DHODH: variants seen among roughly 807,000 people sequenced by gnomAD.
DHODH encodes dihydroorotate dehydrogenase (quinone).
A neutral mutation model predicts 39.7 loss-of-function variants in DHODH; 30 were observed. The ratio of observed to expected loss-of-function variants is 0.76; its 90% CI spans 0.57 to 1.02. DHODH has a LOEUF of 1.02. Ranked by LOEUF, DHODH falls within the 50% of genes least tolerant of loss-of-function variation. DHODH has a pLI of 0.00. For synonymous variants in DHODH, 222 were observed against 213.8 expected, an observed-to-expected ratio of 1.04 and a Z score of -0.34; for missense variants, 531 against 520.8, an observed-to-expected ratio of 1.02 and a Z score of -0.19.
chr16:72,022,387 G>T lies in DHODH; in HGVS notation c.731G>T (p.Arg244Leu). ...TKVLQERDGL[R>L]RVHRPAVLVK... Reference sequence around the variant, plus strand: ...GTGCTGCAGGAGAGGGATGGCTTGCGGAGAGTGCACAGGCCGGCAGTCCTG... The same window carrying T: ...GTGCTGCAGGAGAGGGATGGCTTGCTGAGAGTGCACAGGCCGGCAGTCCTG... The change falls in exon 6 of 9, where the codon CGG (arginine) becomes CTG (leucine). Residue 244 changes from arginine (R) to leucine (L), a missense_variant. Physicochemically the swap from Arg to Leu is moderately radical, Grantham distance 102. Transcript: ENST00000219240. 4 of 1,555,372 alleles carry T rather than the reference G, an allele frequency of 2.6e-6. No homozygotes were observed. In the South Asian group the frequency reaches 4.7e-5, roughly 18 times the overall value.
Position 72,012,036 on chromosome 16 carries a change from G to A in DHODH, c.22-14G>A. ...CTGGCCTGGGGGACCCCCCTAATAT[G>A]CTCTTTTTTGCAGAAGCGGGCCCAG... On this transcript the variant is annotated splice_polypyrimidine_tract_variant and intron_variant, in intron 1 of 8. Transcript: ENST00000219240. 2 of 1,613,498 alleles carry A rather than the reference G, an allele frequency of 1.2e-6. No homozygotes were observed. The highest frequency in any genetic ancestry group is 1.7e-6 in the Non-Finnish European group (2 of 1,179,642).
At chr16:72,010,181 C>G (rs142847621) in intron 1 of DHODH, among the ~76,000 whole-genome samples, 1 of 152,362 alleles carries the variant, frequency 6.6e-6, no homozygotes, top group African/African-American at 2.4e-5. Context: ...CTTTCTCCTG[C>G]CTCGTCTTAA....
intron 1 of DHODH, 70 bp from the exon 2 acceptor site, chr16:72,011,980 G>A: frequency 7.9e-7 from 1 of 1,273,106 alleles, no homozygotes; most frequent in Non-Finnish European, 1.1e-6. Flanking sequence ...TGTGTACCTG[G>A]GTGTGAAGGG....
At chr16:72,020,964 G>A (rs1412974561) in intron 4 of DHODH, among the ~76,000 whole-genome samples, 160 bp from the exon 5 acceptor site, 1 of 152,238 alleles carries the variant, frequency 6.6e-6, no homozygotes, top group Admixed American at 6.5e-5. Context: ...CAGCAGGCGG[G>A]CCCAGGCCGC....
chr16:72,021,016 G>A, intron 4 of DHODH, 108 bp from the exon 5 acceptor site: 2 of 1,195,844 alleles, frequency 1.7e-6, no homozygotes, highest in East Asian at 2.6e-5. Context: ...GTCAGGTTTG[G>A]AGGGAAGGCC....
chr16:72,011,490 G>A (rs986480568), intron 1 of DHODH, among the ~76,000 whole-genome samples: 15 of 152,214 alleles, frequency 9.9e-5, no homozygotes, highest in Non-Finnish European at 4.4e-5. Flanking sequence ...AATTGGCTGG[G>A]CTTGGTGGCA....
intron 4 of DHODH, among the ~76,000 whole-genome samples, chr16:72,018,505 T>C (rs1376598774): frequency 6.6e-6 from 1 of 152,212 alleles, no homozygotes; most frequent in African/African-American, 2.4e-5. Flanking sequence ...TGGTTTGTGA[T>C]GCTTGCCCGC....
rs768546599 is a variant in DHODH at position 72,023,469 on chromosome 16, T to C, written c.974-5T>C. 7 of 1,614,176 alleles carry C rather than the reference T, an allele frequency of 4.3e-6. No homozygotes were observed. The East Asian group carries it at 1.6e-4, about 36-fold the overall frequency. ...TTTATGGTGTCGCCATGTGCTTCTC[T>C]GTAGGCCGAGTTCCCATAATTGGGG... is the stretch of plus-strand genomic sequence containing the variant. On this transcript the variant is annotated splice_polypyrimidine_tract_variant and splice_region_variant and intron_variant, in intron 7 of 8. Transcript: ENST00000219240.
At chr16:72,011,557 CAGG>C (rs552026824) in intron 1 of DHODH, among the ~76,000 whole-genome samples, 234 of 152,296 alleles carry the variant, frequency 1.5e-3, no homozygotes, top group Middle Eastern at 6.8e-3. Flanking sequence ...TGCTTGAGAC[CAGG>C]AGGTCAGGAA....
chr16:72,023,240 G>C lies in DHODH; in HGVS notation c.895G>C (p.Glu299Gln). 1 of 1,614,226 alleles carries C rather than the reference G, an allele frequency of 6.2e-7. No individual in the cohort carries two copies. Among genetic ancestry groups the C allele is most frequent in the Non-Finnish European group, 8.5e-7 (1 of 1,180,044 alleles). Reference protein sequence around the residue: ...PAGLQGALRSETGGLSGKPLR... With the variant: ...PAGLQGALRSQTGGLSGKPLR... ...GGGCCTCCAGGGTGCCCTGCGCTCT[G>C]AAACAGGAGGGCTGAGTGGGAAGCC... The change falls in exon 7 of 9, where the codon GAA (glutamate) becomes CAA (glutamine). Residue 299 changes from glutamate to glutamine, a missense_variant. Transcript: ENST00000219240.
At chr16:72,020,150 C>G (rs991318643) in intron 4 of DHODH, among the ~76,000 whole-genome samples, 1 of 151,538 alleles carries the variant, frequency 6.6e-6, no homozygotes, top group Admixed American at 6.6e-5. Flanking sequence ...GTGGCACATG[C>G]GTGTAATCCC....
rs1425255680 is a variant in DHODH at position 72,024,344 on chromosome 16, G to A, written c.*145G>A. On this transcript the variant is annotated 3_prime_UTR_variant, in exon 9 of 9. Transcript: ENST00000219240. ...CTGCACTGTAAACGCCAATCGGGGG[G>A]TCACCAGGATCAACCGCAGGCTTTC... 2.4e-6 allele frequency: 2 copies of A among 836,126 alleles called. No homozygotes were observed. The highest frequency in any genetic ancestry group is 2.6e-5 in the East Asian group (1 of 38,094). The allele number at this position is 836,126 out of a possible 1,614,324, so 51.8% of individuals were successfully genotyped here.
chr16:72,015,016 C>T (rs187660461), intron 3 of DHODH, among the ~76,000 whole-genome samples: 12 of 152,282 alleles, frequency 7.9e-5, no homozygotes, highest in Admixed American at 2.6e-4. Context: ...AATGCTCTTA[C>T]TCGACACTGT....
At chr16:72,017,760 A>G (rs1380448397) in intron 4 of DHODH, among the ~76,000 whole-genome samples, 1 of 118,816 alleles carries the variant, frequency 8.4e-6, no homozygotes, top group South Asian at 2.8e-4. Context: ...AAAAAACCAA[A>G]AACAACATGC....
At chr16:72,011,680 C>A (rs1175900575) in intron 1 of DHODH, among the ~76,000 whole-genome samples, 1 of 152,180 alleles carries the variant, frequency 6.6e-6, no homozygotes, top group South Asian at 2.1e-4. Flanking sequence ...GGAAATGGGG[C>A]AGTTCATGTC....
At chr16:72,017,767 A>AGGTTTTTTTTTTTTTTTT in intron 4 of DHODH, among the ~76,000 whole-genome samples, 1 of 80,706 alleles carries the variant, frequency 1.2e-5, no homozygotes, top group African/African-American at 7.2e-5. Flanking sequence ...CAAAAACAAC[A>AGGTTTTTTTTTTTTTTTT]TGCTTTTTTT....
chr16:72,014,193 G>A (rs1017290435), intron 2 of DHODH, among the ~76,000 whole-genome samples: 1 of 152,116 alleles, frequency 6.6e-6, no homozygotes, highest in Non-Finnish European at 1.5e-5. Flanking sequence ...TTCAACCCAC[G>A]GTGGAAACAC....
intron 3 of DHODH, among the ~76,000 whole-genome samples, chr16:72,015,340 A>G (rs932691622): frequency 1.3e-5 from 2 of 152,236 alleles, no homozygotes; most frequent in African/African-American, 4.8e-5. Flanking sequence ...TGGCTAGCAC[A>G]GCCCCAGCCT....
At chr16:72,009,567 T>TGG (rs375408191) in intron 1 of DHODH, among the ~76,000 whole-genome samples, 2 of 131,474 alleles carry the variant, frequency 1.5e-5, no homozygotes, top group African/African-American at 5.6e-5. Flanking sequence ...ATTGACATGG[T>TGG]GGGGGGGAGT....
Sources: allele counts gnomAD v4.1 joint callset (sites outside exome capture counted in the v4.1 genomes callset), GRCh38; gene constraint gnomAD v4.1.1; transcripts MANE v1.5; gene names NCBI Gene and HGNC (gene_info 2026-07-23, HGNC 2026-07-21).